SUGP1: variants seen among roughly 807,000 people sequenced by gnomAD.
SUGP1 encodes SURP and G-patch domain-containing protein 1.
SUGP1 carries 34 observed loss-of-function variants against 76.5 expected under a neutral mutation model. That is an observed-to-expected ratio of 0.44 (90% CI 0.34 to 0.59). The LOEUF is 0.59. SUGP1 is among the 20% of genes least tolerant of loss of function. The probability of loss-of-function intolerance (pLI) is 0.01; values close to 1 mark genes in which losing one functional copy is unlikely to be tolerated. For synonymous variants in SUGP1, 326 were observed against 326.2 expected, an observed-to-expected ratio of 1.00 and a Z score of 0.01; for missense variants, 752 against 851.7, an observed-to-expected ratio of 0.88 and a Z score of 1.46.
At chr19:19,308,083 C>T (rs2061329590) in intron 3 of SUGP1, among the ~76,000 whole-genome samples, 1 of 152,138 alleles carries the variant, frequency 6.6e-6, no homozygotes, top group Non-Finnish European at 1.5e-5. Flanking sequence ...GGCTAGAGTA[C>T]AGTGACGTGA....
In SUGP1 at chr19:19,276,601, A is replaced by G. The variant is rs774681176; in HGVS notation, c.*47T>C. The G allele has an allele frequency of 1.2e-6, 2 of 1,611,854 alleles. No individual in the cohort carries two copies. The highest frequency in any genetic ancestry group is 1.7e-6 in the Non-Finnish European group (2 of 1,178,180). On this transcript the variant is annotated 3_prime_UTR_variant, in exon 14 of 14. Coordinates refer to ENST00000247001, the MANE Select transcript of SUGP1 (RefSeq NM_172231.4). ...AGAAATGCAGGCCGGAACATTCCAC[A>G]GTCCAGGGACGGTTGGTCATTCAGA...
At position 19,277,727 on chromosome 19, in the gene SUGP1, C is replaced by T; in HGVS notation, c.1781+7G>A. On this transcript the variant is annotated splice_region_variant and intron_variant, in intron 12 of 13. Transcript: ENST00000247001. ...ATGGCCATGCCCTCCCACAAGGCCACACTCACTTGTTCACTGGGTTCTTGA... is the reference window on the plus strand; with the variant it reads ...ATGGCCATGCCCTCCCACAAGGCCATACTCACTTGTTCACTGGGTTCTTGA... The T allele has an allele frequency of 6.2e-7, 1 of 1,613,634 alleles. No individual in the cohort carries two copies. Among genetic ancestry groups the T allele is most frequent in the South Asian group, 1.1e-5 (1 of 91,060 alleles).
chr19:19,296,685 G>A (rs2061228428), intron 8 of SUGP1, among the ~76,000 whole-genome samples: 1 of 151,738 alleles, frequency 6.6e-6, no homozygotes, highest in Admixed American at 6.6e-5. Flanking sequence ...AAAAAAGGCA[G>A]AATTGCAATA....
At chr19:19,290,617 C>T (rs1039875769) in intron 8 of SUGP1, among the ~76,000 whole-genome samples, 1 of 151,462 alleles carries the variant, frequency 6.6e-6, no homozygotes, top group African/African-American at 2.4e-5. Context: ...GCACTCCAGC[C>T]CGGATAAAAG....
At chr19:19,296,123 C>T (rs1482421271) in intron 8 of SUGP1, among the ~76,000 whole-genome samples, 1 of 151,182 alleles carries the variant, frequency 6.6e-6, no homozygotes, top group Non-Finnish European at 1.5e-5. Flanking sequence ...TCAAGACCAG[C>T]CTCAGCAACA....
intron 7 of SUGP1, among the ~76,000 whole-genome samples, chr19:19,297,644 C>T (rs1362160491): frequency 1.3e-5 from 2 of 152,200 alleles, no homozygotes; most frequent in African/African-American, 4.8e-5. Context: ...GGCAGGGACC[C>T]TCAGACCCTT....
intron 3 of SUGP1, among the ~76,000 whole-genome samples, chr19:19,307,712 G>A (rs1568633355): frequency 6.6e-6 from 1 of 151,298 alleles, no homozygotes; most frequent in Non-Finnish European, 1.5e-5. Context: ...AGGCTGGAGT[G>A]CAGTGGCGTG....
chr19:19,303,254 G>T, intron 6 of SUGP1, 94 bp downstream of exon 6: 1 of 1,053,170 alleles, frequency 9.5e-7, no homozygotes, highest in South Asian at 1.3e-5. Context: ...GCCACACAGT[G>T]CCACTCCAGC....
chr19:19,291,888 G>GACACAC (rs1555788743), intron 8 of SUGP1, among the ~76,000 whole-genome samples: 43 of 65,394 alleles, frequency 6.6e-4, no homozygotes, highest in Middle Eastern at 6.9e-3. Flanking sequence ...GTGAGACTCT[G>GACACAC]TCACACACAC....
chr19:19,315,704 G>A (rs2061389304), intron 2 of SUGP1, among the ~76,000 whole-genome samples: 1 of 152,206 alleles, frequency 6.6e-6, no homozygotes, highest in Admixed American at 6.6e-5. Context: ...CTTTCAGGAT[G>A]CAAAGCTCTG....
In SUGP1 at chr19:19,316,444, G is replaced by T. The variant is rs1568638129; in HGVS notation, c.184C>A (p.Pro62Thr). 1 of 1,613,920 alleles carries T rather than the reference G, an allele frequency of 6.2e-7. No individual in the cohort carries two copies. The highest frequency in any genetic ancestry group is 1.1e-5 in the South Asian group (1 of 91,076). ...QKAKQNQVAS[P>T]QPPHPGEITN... ...TACTCGCCAGGATGTGGGGGCTGAG[G>T]GCTGGCCACCTGATTCTGCTTGGCT... Residue 62 changes from proline (P) to threonine (T), a missense_variant, in exon 2 of 14, where the codon CCT becomes ACT. Around this residue, in one of 2 missense-constraint regions of SUGP1, gnomAD observed 620 missense variants for 617.3 expected, o/e 1.00. Coordinates refer to ENST00000247001, the MANE Select transcript of SUGP1 (RefSeq NM_172231.4).
chr19:19,310,259 AGAGGAC>A, intron 2 of SUGP1, 59 bp from the exon 3 acceptor site: 5 of 1,329,700 alleles, frequency 3.8e-6, no homozygotes, highest in Admixed American at 1.7e-5. Flanking sequence ...TGAGGGCACC[AGAGGAC>A]GAGGATGAGG....
chr19:19,303,114 G>A (rs1308310808), intron 6 of SUGP1, among the ~76,000 whole-genome samples: 4 of 152,142 alleles, frequency 2.6e-5, no homozygotes, highest in Non-Finnish European at 4.4e-5. Context: ...ATGAGCTCCC[G>A]TCTACCCCAC....
intron 8 of SUGP1, among the ~76,000 whole-genome samples, chr19:19,287,622 C>G (rs577858346): frequency 1.3e-5 from 2 of 152,134 alleles, no homozygotes; most frequent in South Asian, 4.1e-4. Context: ...GAGAAATTAA[C>G]AGAAGACAGC....
chr19:19,276,839 G>C (rs531370770), intron 13 of SUGP1, 108 bp downstream of exon 13: 1 of 1,555,844 alleles, frequency 6.4e-7, no homozygotes, highest in Admixed American at 1.8e-5. Flanking sequence ...TAGGGGGCTC[G>C]CTGGTGAGAC....
At chr19:19,310,584 G>C (rs2061346296) in intron 2 of SUGP1, among the ~76,000 whole-genome samples, 1 of 152,140 alleles carries the variant, frequency 6.6e-6, no homozygotes, top group Non-Finnish European at 1.5e-5. Flanking sequence ...CTGTCCTCCT[G>C]CTAGACCTTA....
intron 2 of SUGP1, among the ~76,000 whole-genome samples, chr19:19,310,848 G>A (rs2061348140): frequency 6.6e-6 from 1 of 151,950 alleles, no homozygotes. Context: ...TCGCTATGTT[G>A]GCTGGGCTGT....
Position 19,316,588 on chromosome 19 carries a change from C to A in SUGP1, c.40G>T (p.Ala14Ser). 1 of 1,613,890 alleles carries A rather than the reference C, an allele frequency of 6.2e-7. No individual in the cohort carries two copies. The highest frequency in any genetic ancestry group is 8.5e-7 in the Non-Finnish European group (1 of 1,179,888). The change falls in exon 2 of 14, where the codon GCT (alanine) becomes TCT (serine). Residue 14 changes from alanine (A) to serine (S), a missense_variant. By Grantham distance (99) the Ala-to-Ser change is moderately conservative. Around this residue, in one of 2 missense-constraint regions of SUGP1, gnomAD observed 620 missense variants for 617.3 expected, o/e 1.00. Transcript: ENST00000247001. ...KMDNRDVAGKANRWFGVAPPK... is the reference protein window; with the variant it reads ...KMDNRDVAGKSNRWFGVAPPK... ...GGAGCAACCCCAAACCACCGGTTAG[C>A]CTTTCCTGGGGAGGGAAAAGGAGTA...
chr19:19,283,955 G>C (rs142245958), intron 8 of SUGP1, among the ~76,000 whole-genome samples: 50 of 152,340 alleles, frequency 3.3e-4, no homozygotes, highest in Non-Finnish European at 6.5e-4. Flanking sequence ...GTAGCCTCCT[G>C]TTGCTATTGT....
Sources: allele counts gnomAD v4.1 joint callset (sites outside exome capture counted in the v4.1 genomes callset), GRCh38; gene constraint gnomAD v4.1.1; regional missense constraint gnomAD v4.1.1; transcripts MANE v1.5; gene names NCBI Gene and HGNC (gene_info 2026-07-23, HGNC 2026-07-21).